Variants in UGT2B7 observed in about 807,000 individuals in gnomAD.
UGT2B7 encodes the protein UDP-glucuronosyltransferase 2B7.
A neutral mutation model predicts 51.9 loss-of-function variants in UGT2B7; 51 were observed. The ratio of observed to expected loss-of-function variants is 0.98; its 90% CI spans 0.78 to 1.24. UGT2B7 has a LOEUF of 1.24. Among genes scored for constraint, UGT2B7 ranks in the 50% most tolerant of loss-of-function variants. The pLI is 0.00. For missense variants in UGT2B7, 727 were observed against 628.4 expected (o/e 1.16, Z -1.68); for synonymous variants, 225 against 211.6 (o/e 1.06, Z -0.55).
At chr4:69,073,847 AT>A (rs1180345890) in intron 1 of UGT2B7, among the ~76,000 whole-genome samples, 2 of 152,158 alleles carry the variant, frequency 1.3e-5, no homozygotes, top group Admixed American at 1.3e-4. Context: ...GCATTAGATA[AT>A]TCCTCTTTTG....
At position 69,102,453 on chromosome 4, in the gene UGT2B7, A is replaced by T. The variant is rs1719450222; in HGVS notation, c.871-354A>T. On this transcript the variant is annotated intron_variant, in intron 2 of 5. Coordinates refer to ENST00000305231, the MANE Select transcript of UGT2B7 (RefSeq NM_001074.4). ...AAGCTGAGTGGTCCCACTTTCCAAG[A>T]ACCTATATTAGTAACTTTAGTATTG... Among the ~76,000 whole-genome samples the T allele has an allele frequency of 1.3e-5, 2 of 152,154 alleles. 1 individual carries two copies. Among genetic ancestry groups the T allele is most frequent in the Admixed American group, 1.3e-4 (2 of 15,262 alleles).
intron 1 of UGT2B7, among the ~76,000 whole-genome samples, chr4:69,084,820 G>T (rs1012704504): frequency 1.4e-4 from 22 of 152,114 alleles, no homozygotes; most frequent in African/African-American, 4.8e-4. Context: ...TAAATGCATA[G>T]TATTTCATGG....
At chr4:69,102,001 A>G (rs1461087567) in intron 2 of UGT2B7, among the ~76,000 whole-genome samples, 3 of 152,170 alleles carry the variant, frequency 2.0e-5, no homozygotes, top group African/African-American at 7.2e-5. Flanking sequence ...CAGCACATCA[A>G]TTTAACAGTG....
At chr4:69,058,036 G>T (rs534379184) in intron 1 of UGT2B7, among the ~76,000 whole-genome samples, 3 of 152,170 alleles carry the variant, frequency 2.0e-5, no homozygotes, top group African/African-American at 7.2e-5. Flanking sequence ...CAGAATGCTC[G>T]CAGTTCAAGC....
chr4:69,095,840 A>C (rs1395076733), upstream of UGT2B7, among the ~76,000 whole-genome samples: 2 of 152,208 alleles, frequency 1.3e-5, no homozygotes, highest in African/African-American at 4.8e-5. Flanking sequence ...GAAGCCAGTC[A>C]CAAAATACCA....
chr4:69,091,614 T>C (rs1420706457), upstream of UGT2B7, among the ~76,000 whole-genome samples: 2 of 152,176 alleles, frequency 1.3e-5, no homozygotes, highest in African/African-American at 4.8e-5. Flanking sequence ...AAACTCTTAA[T>C]CTCTGTGAGC....
chr4:69,104,930 G>A (rs530809169), intron 3 of UGT2B7, among the ~76,000 whole-genome samples: 7 of 152,280 alleles, frequency 4.6e-5, no homozygotes, highest in African/African-American at 1.4e-4. Flanking sequence ...GTGTATCTGA[G>A]TAATGTTCAG....
chr4:69,063,967 T>G (rs1718414302), intron 1 of UGT2B7, among the ~76,000 whole-genome samples: 2 of 148,398 alleles, frequency 1.3e-5, no homozygotes, highest in African/African-American at 5.0e-5. Flanking sequence ...ATGATAGTGA[T>G]GCCTTCTATT....
chr4:69,093,085 C>T (rs552857085), upstream of UGT2B7, among the ~76,000 whole-genome samples: 34 of 152,282 alleles, frequency 2.2e-4, no homozygotes, highest in Non-Finnish European at 4.6e-4. Flanking sequence ...AAGATGGCGG[C>T]CCATATCTCT....
Position 69,080,503 on chromosome 4 carries a change from G to T in UGT2B7, c.-158-8969G>T, listed in dbSNP as rs938645273. 3.4e-5 allele frequency among the ~76,000 whole-genome samples: 5 copies of T among 147,710 alleles called. No individual in the cohort carries two copies. In the Admixed American group the frequency reaches 3.4e-4, roughly 10 times the overall value. ...GCAGAAGTTGCAGTGAGCTGAGATC[G>T]CAGCACTACACTCTGGCCTGGGCAA... On this transcript the variant is annotated intron_variant, in intron 1 of 5. Coordinates refer to the UGT2B7 transcript ENST00000502942.
chr4:69,081,704 G>A (rs1016951067), intron 1 of UGT2B7, among the ~76,000 whole-genome samples: 6 of 151,952 alleles, frequency 3.9e-5, no homozygotes, highest in South Asian at 4.1e-4. Context: ...TCATCTCACC[G>A]TATTATGTGA....
At chr4:69,079,920 T>G (rs1718798968) in intron 1 of UGT2B7, among the ~76,000 whole-genome samples, 1 of 152,166 alleles carries the variant, frequency 6.6e-6, no homozygotes, top group Admixed American at 6.6e-5. Context: ...GAGTTTTGTA[T>G]ATAGCTTGGA....
rs568000952 is a variant in UGT2B7 at position 69,103,965 on chromosome 4, G to A, written c.1002+1027G>A. Reference sequence around the variant, plus strand: ...ACACATGTGAGGAGTAGGGGACTAAGGAGAATGAATTCCAATCCTGTGATT... The same window carrying A: ...ACACATGTGAGGAGTAGGGGACTAAAGAGAATGAATTCCAATCCTGTGATT... On this transcript the variant is annotated intron_variant, in intron 3 of 5. Transcript: ENST00000305231. Among the ~76,000 whole-genome samples the A allele has an allele frequency of 3.3e-5, 5 of 152,212 alleles. No individual in the cohort carries two copies. The South Asian group carries it at 8.3e-4, about 25-fold the overall frequency.
upstream of UGT2B7, among the ~76,000 whole-genome samples, chr4:69,095,429 T>C (rs1021791346): frequency 1.3e-5 from 2 of 152,222 alleles, no homozygotes; most frequent in African/African-American, 4.8e-5. Context: ...CTGACATCAG[T>C]GAGATCCTTC....
intron 4 of UGT2B7, 28 bp downstream of exon 4, chr4:69,107,290 T>A: frequency 1.3e-6 from 2 of 1,575,490 alleles, no homozygotes; most frequent in South Asian, 2.3e-5. Context: ...AAATACTGAA[T>A]ATATTAGTAA....
intron 1 of UGT2B7, among the ~76,000 whole-genome samples, chr4:69,068,732 C>A (rs1718535520): frequency 6.6e-6 from 1 of 151,802 alleles, no homozygotes; most frequent in African/African-American, 2.4e-5. Flanking sequence ...TTTTAAATAA[C>A]AAGGGGAGAA....
intron 1 of UGT2B7, among the ~76,000 whole-genome samples, chr4:69,080,721 T>G (rs144427473): frequency 1.3e-5 from 2 of 152,088 alleles, no homozygotes; most frequent in African/African-American, 4.8e-5. Flanking sequence ...TGAAAAAAAT[T>G]AAATGCAATT....
Position 69,108,270 on chromosome 4 carries a change from A to T in UGT2B7, c.1258A>T (p.Met420Leu). Residue 420 changes from methionine to leucine, a missense_variant, in exon 5 of 6, where the codon ATG becomes TTG. Transcript: ENST00000305231. Reference protein sequence around the residue: ...GAAVRVDFNTMSSTDLLNALK... With the variant: ...GAAVRVDFNTLSSTDLLNALK... ...AGCTGTTAGAGTGGACTTCAACACA[A>T]TGTCGAGTACAGACTTGCTGAATGC... 6.2e-7 allele frequency: 1 copy of T among 1,613,644 alleles called. No homozygotes were observed. Among genetic ancestry groups the T allele is most frequent in the Non-Finnish European group, 8.5e-7 (1 of 1,179,638 alleles).
rs765643535 is a variant in UGT2B7 at position 69,097,217 on chromosome 4, G to T, written c.697G>T (p.Asp233Tyr). 6.2e-7 allele frequency: 1 copy of T among 1,612,020 alleles called. No individual in the cohort carries two copies. Among genetic ancestry groups the T allele is most frequent in the South Asian group, 1.1e-5 (1 of 90,822 alleles). Residue 233 changes from aspartate to tyrosine, a missense_variant, in exon 1 of 6, where the codon GAT becomes TAT. Transcript: ENST00000305231. ...CGAAATATTTGACATGAAGAAGTGGGATCAGTTTTATAGTGAAGTTCTAGG... is the reference window on the plus strand; with the variant it reads ...CGAAATATTTGACATGAAGAAGTGGTATCAGTTTTATAGTGAAGTTCTAGG... Reference protein sequence around the residue: ...WFEIFDMKKWDQFYSEVLGRP... With the variant: ...WFEIFDMKKWYQFYSEVLGRP...
Sources: gnomAD v4.1 joint callset for allele counts (sites outside exome capture counted in the v4.1 genomes callset) on GRCh38, gnomAD v4.1.1 for gene constraint, MANE v1.5 for transcripts, NCBI Gene and HGNC (gene_info 2026-07-23, HGNC 2026-07-21) for gene names.